The following USP34 variants were observed in gnomAD, a reference collection of about 807,000 sequenced individuals.
The protein encoded by USP34 is ubiquitin specific peptidase 34.
USP34 carries 70 observed loss-of-function variants against 460.3 expected under a neutral mutation model. The observed-to-expected ratio is 0.15, with a 90% confidence interval of 0.13 to 0.19. USP34 has a LOEUF of 0.19. Among genes scored for constraint, USP34 ranks in the 10% least tolerant of loss-of-function variants. The pLI is 1.00. For missense variants in USP34, 3,985 were observed against 4,236.2 expected, an observed-to-expected ratio of 0.94 and a Z score of 1.65; for synonymous variants, 1,647 against 1,405.3, an observed-to-expected ratio of 1.17 and a Z score of -3.85.
intron 57 of USP34, among the ~76,000 whole-genome samples, chr2:61,233,654 C>T (rs994686126): frequency 6.6e-6 from 1 of 151,760 alleles, no homozygotes; most frequent in African/African-American, 2.4e-5. Context: ...GAGACTCTGT[C>T]TCTATAAAAA....
At chr2:61,287,802 G>A (rs1317875575) in intron 34 of USP34, among the ~76,000 whole-genome samples, 1 of 152,168 alleles carries the variant, frequency 6.6e-6, no homozygotes, top group Non-Finnish European at 1.5e-5. Flanking sequence ...AGTTCTAGGG[G>A]AGTCAAAAGT....
intron 53 of USP34, among the ~76,000 whole-genome samples, chr2:61,239,713 A>T (rs1169666079): frequency 6.6e-6 from 1 of 152,208 alleles, no homozygotes; most frequent in Non-Finnish European, 1.5e-5. Context: ...ACACATGTGC[A>T]GGCAAGATAC....
chr2:61,301,155 T>G lies in USP34; in HGVS notation c.3924A>C (p.Val1308=). Residue 1308 remains valine, a synonymous_variant, in exon 29 of 80, where the codon GTA becomes GTC. Coordinates refer to ENST00000398571, the MANE Select transcript of USP34 (RefSeq NM_014709.4). ...HELGFKDMQM[V]FVSLGAPRRE... ...TCCTTGGTGCACCCAAAGATACAAA[T>G]ACCATCTATAAAAAACAGGAAAAAA... is the stretch of plus-strand genomic sequence containing the variant. 1 of 1,580,222 alleles carries G rather than the reference T, an allele frequency of 6.3e-7. No homozygotes were observed. The highest frequency in any genetic ancestry group is 1.9e-5 in the Admixed American group (1 of 51,452).
At chr2:61,301,973 GGAAAGAAA>G (rs148862524) in intron 27 of USP34, among the ~76,000 whole-genome samples, 7 of 151,326 alleles carry the variant, frequency 4.6e-5, no homozygotes, top group Admixed American at 1.3e-4. Context: ...AAAGGAAAAA[GGAAAGAAA>G]GAAAGAAAGA....
At chr2:61,442,778 A>G (rs138305854) in intron 1 of USP34, among the ~76,000 whole-genome samples, 189 of 152,276 alleles carry the variant, frequency 1.2e-3, no homozygotes, top group Middle Eastern at 0.01. Flanking sequence ...AAGGAAAGGA[A>G]AACACTGTAT....
At chr2:61,345,500 C>G (rs1489890997) in intron 15 of USP34, among the ~76,000 whole-genome samples, 1 of 152,170 alleles carries the variant, frequency 6.6e-6, no homozygotes, top group East Asian at 1.9e-4. Flanking sequence ...CCATGATTCA[C>G]CATAAACTCA....
intron 10 of USP34, among the ~76,000 whole-genome samples, chr2:61,357,855 C>A (rs541898912): frequency 6.6e-6 from 1 of 152,212 alleles, no homozygotes; most frequent in South Asian, 2.1e-4. Context: ...ACACTGCATA[C>A]TCCAGCTTGG....
chr2:61,231,637 CCCAGGAGGTGGAAGCTGCAGTGAG>C (rs1687909355), intron 58 of USP34, among the ~76,000 whole-genome samples: 1 of 151,580 alleles, frequency 6.6e-6, no homozygotes, highest in Admixed American at 6.6e-5. Context: ...ATTGCTTGAG[CCCAGGAGGTGGAAGCTGCAGTGAG>C]CCATGAAGTA....
At chr2:61,416,862 G>A in intron 2 of USP34, 1 of 638,864 alleles carries the variant, frequency 1.6e-6, no homozygotes, top group Non-Finnish European at 2.6e-6. Context: ...GTATTAAGAG[G>A]GGGCAGCACA....
At position 61,286,842 on chromosome 2, in the gene USP34, G is replaced by A. The variant is rs369088548; in HGVS notation, c.4749+1835C>T. ...CAATAACCTATAAACCTCCATAAAC[G>A]TGCGTATTTTACACATACACTTATG... On this transcript the variant is annotated intron_variant, in intron 34 of 79. Transcript: ENST00000398571. Among the ~76,000 whole-genome samples the A allele has an allele frequency of 5.9e-5, 9 of 151,808 alleles. No individual in the cohort carries two copies. In the East Asian group the frequency reaches 1.5e-3, roughly 26 times the overall value.
intron 21 of USP34, among the ~76,000 whole-genome samples, chr2:61,321,092 T>G (rs1278560911): frequency 1.3e-5 from 2 of 151,916 alleles, no homozygotes; most frequent in African/African-American, 4.8e-5. Flanking sequence ...GGGAAGGCTC[T>G]TCGAGCCCAG....
chr2:61,304,141 G>T (rs953237413), intron 27 of USP34, among the ~76,000 whole-genome samples: 43 of 152,012 alleles, frequency 2.8e-4, no homozygotes, highest in Admixed American at 4.6e-4. Flanking sequence ...CAAATGATCC[G>T]CCTGCCTTGG....
At chr2:61,378,912 C>CAAAAAAAA (rs1491197501) in intron 7 of USP34, among the ~76,000 whole-genome samples, 21 of 8,626 alleles carry the variant, frequency 2.4e-3, no homozygotes, top group Non-Finnish European at 4.0e-3. Flanking sequence ...CTCAAAAAAA[C>CAAAAAAAA]GAAAAAAAAA....
chr2:61,425,101 C>T (rs1403157544), intron 1 of USP34, among the ~76,000 whole-genome samples: 9 of 152,120 alleles, frequency 5.9e-5, no homozygotes, highest in Admixed American at 4.6e-4. Context: ...TGGCCCACTG[C>T]GCCCAGCTGC....
intron 1 of USP34, among the ~76,000 whole-genome samples, chr2:61,457,421 A>C (rs1255978270): frequency 2.0e-5 from 3 of 152,212 alleles, no homozygotes; most frequent in South Asian, 4.1e-4. Flanking sequence ...CTGAATATAC[A>C]CCTAGACGGC....
chr2:61,409,423 A>G (rs1693975408), intron 2 of USP34, among the ~76,000 whole-genome samples: 1 of 152,074 alleles, frequency 6.6e-6, no homozygotes, highest in African/African-American at 2.4e-5. Flanking sequence ...CTTTTAAAAT[A>G]AGTGTTAGGG....
chr2:61,397,709 GACA>G (rs1472942944), intron 3 of USP34, among the ~76,000 whole-genome samples: 1 of 152,012 alleles, frequency 6.6e-6, no homozygotes, highest in Non-Finnish European at 1.5e-5. Flanking sequence ...GACCATCCTG[GACA>G]ACATGGTGAA....
intron 16 of USP34, 48 bp from the exon 17 acceptor site, chr2:61,339,729 A>T (rs769565041): frequency 9.7e-7 from 1 of 1,026,532 alleles, no homozygotes; most frequent in Non-Finnish European, 1.3e-6. Context: ...AATGCAGCTG[A>T]CTGATTATAG....
intron 65 of USP34, 124 bp downstream of exon 65, chr2:61,222,495 A>T: frequency 5.9e-6 from 4 of 681,432 alleles, no homozygotes; most frequent in Non-Finnish European, 1.0e-5. Context: ...ACACTTAAAA[A>T]TAGGTTATTA....
Sources: allele counts gnomAD v4.1 joint callset (sites outside exome capture counted in the v4.1 genomes callset), GRCh38; gene constraint gnomAD v4.1.1; transcripts MANE v1.5; gene names NCBI Gene and HGNC (gene_info 2026-07-23, HGNC 2026-07-21).